Variants in MAGI1 observed in about 807,000 individuals in gnomAD.
MAGI1 encodes the protein membrane-associated guanylate kinase, WW and PDZ domain-containing protein 1.
MAGI1 carries 58 observed loss-of-function variants against 139.9 expected under a neutral mutation model. The ratio of observed to expected loss-of-function variants is 0.41; its 90% confidence interval spans 0.34 to 0.52. The LOEUF (loss-of-function observed/expected upper bound fraction) is 0.52, where lower values mean the gene tolerates loss of function less well. Among genes scored for constraint, MAGI1 ranks in the 20% least tolerant of loss-of-function variants. The pLI is 0.12. For synonymous variants in MAGI1, 812 were observed against 737.9 expected (o/e 1.10, Z -1.63); for missense variants, 1,874 against 1,901.6 (o/e 0.99, Z 0.27).
chr3:65,367,156 A>G, intron 18 of MAGI1, among the ~76,000 whole-genome samples: 1 of 152,234 alleles, frequency 6.6e-6, no homozygotes. Flanking sequence ...GGGAAATCAC[A>G]ATCAGGATAC....
chr3:65,512,483 G>C (rs1478877836), intron 2 of MAGI1, among the ~76,000 whole-genome samples: 1 of 148,930 alleles, frequency 6.7e-6, no homozygotes, highest in Non-Finnish European at 1.5e-5. Flanking sequence ...TATCACCACC[G>C]ATCCCACAGA....
chr3:65,955,617 A>C (rs1318463124), intron 1 of MAGI1, among the ~76,000 whole-genome samples: 3 of 152,172 alleles, frequency 2.0e-5, no homozygotes, highest in Admixed American at 2.0e-4. Flanking sequence ...AAAACCATAT[A>C]ACATTTTTGC....
intron 1 of MAGI1, among the ~76,000 whole-genome samples, chr3:65,664,969 C>G (rs906721570): frequency 2.0e-5 from 3 of 152,230 alleles, no homozygotes; most frequent in Admixed American, 1.3e-4. Context: ...AACAACTGCC[C>G]TAAACCATTA....
In MAGI1 at chr3:65,416,972, G is replaced by T. The variant is rs374422728; in HGVS notation, c.2167+12548C>A. 2.4e-4 allele frequency among the ~76,000 whole-genome samples: 36 copies of T among 152,258 alleles called. No individual in the cohort carries two copies. In the East Asian group the frequency reaches 6.4e-3, roughly 27 times the overall value. Reference sequence around the variant, plus strand: ...CCATGGCAAATACTTCCCTCCAGATGGTGGTAAAGAACGTGTGATTTCATT... The same window carrying T: ...CCATGGCAAATACTTCCCTCCAGATTGTGGTAAAGAACGTGTGATTTCATT... On this transcript the variant is annotated intron_variant, in intron 12 of 22. Transcript: ENST00000402939.
At chr3:65,488,066 G>A (rs1048531231) in intron 3 of MAGI1, among the ~76,000 whole-genome samples, 2 of 152,184 alleles carry the variant, frequency 1.3e-5, no homozygotes, top group Non-Finnish European at 2.9e-5. Context: ...GTGGTTCTAA[G>A]GGAAACAGGG....
intron 2 of MAGI1, among the ~76,000 whole-genome samples, chr3:65,616,942 A>T (rs2083406955): frequency 2.0e-5 from 3 of 152,248 alleles, no homozygotes. Flanking sequence ...CATCCTGGAA[A>T]CAACTATGTT....
intron 1 of MAGI1, among the ~76,000 whole-genome samples, chr3:65,665,425 T>C (rs564198963): frequency 1.3e-5 from 2 of 152,242 alleles, no homozygotes; most frequent in South Asian, 2.1e-4. Flanking sequence ...TGAAAAAACA[T>C]AGTGAACAGC....
intron 2 of MAGI1, among the ~76,000 whole-genome samples, chr3:65,503,776 G>A (rs369270548): frequency 2.6e-5 from 4 of 152,194 alleles, no homozygotes; most frequent in African/African-American, 9.6e-5. Context: ...GAGATGGGAA[G>A]CATCTGATCT....
At chr3:65,778,715 A>G (rs1010924093) in intron 1 of MAGI1, among the ~76,000 whole-genome samples, 14 of 152,196 alleles carry the variant, frequency 9.2e-5, no homozygotes, top group Admixed American at 6.5e-4. Flanking sequence ...CCAACTTCTT[A>G]ATATTTGCCA....
intron 12 of MAGI1, among the ~76,000 whole-genome samples, chr3:65,413,912 T>A (rs954752510): frequency 2.0e-5 from 3 of 152,206 alleles, no homozygotes; most frequent in African/African-American, 7.2e-5. Context: ...GGGAACAAGA[T>A]GTGTAACAAA....
intron 1 of MAGI1, among the ~76,000 whole-genome samples, chr3:65,830,918 G>A (rs2042488906): frequency 6.6e-6 from 1 of 152,034 alleles, no homozygotes; most frequent in African/African-American, 2.4e-5. Flanking sequence ...GGTGACATTG[G>A]GTGGTTTTAG....
At chr3:65,451,995 T>C (rs560566739) in intron 6 of MAGI1, among the ~76,000 whole-genome samples, 1 of 152,250 alleles carries the variant, frequency 6.6e-6, no homozygotes, top group South Asian at 2.1e-4. Flanking sequence ...CAGGGATACT[T>C]AACCAGTATT....
At chr3:65,494,486 C>T (rs1306919864) in intron 2 of MAGI1, among the ~76,000 whole-genome samples, 1 of 152,050 alleles carries the variant, frequency 6.6e-6, no homozygotes, top group Non-Finnish European at 1.5e-5. Flanking sequence ...GGAAAATAAA[C>T]CAAACAGCAA....
At chr3:65,545,301 C>CAA (rs972144005) in intron 2 of MAGI1, among the ~76,000 whole-genome samples, 1 of 151,800 alleles carries the variant, frequency 6.6e-6, no homozygotes, top group Non-Finnish European at 1.5e-5. Context: ...ATGGTTCAGC[C>CAA]AAAGAGAGAG....
At chr3:65,807,668 G>T (rs149876937) in intron 1 of MAGI1, among the ~76,000 whole-genome samples, 2 of 152,174 alleles carry the variant, frequency 1.3e-5, no homozygotes, top group African/African-American at 4.8e-5. Flanking sequence ...CCAAACAGAA[G>T]TAAATGGAGA....
intron 2 of MAGI1, among the ~76,000 whole-genome samples, chr3:65,514,523 G>A (rs919464441): frequency 6.7e-6 from 1 of 150,278 alleles, no homozygotes; most frequent in Non-Finnish European, 1.5e-5. Context: ...CTTCTCAAAA[G>A]AAGACATTTA....
At chr3:65,565,571 T>C (rs2080577467) in intron 2 of MAGI1, among the ~76,000 whole-genome samples, 1 of 152,194 alleles carries the variant, frequency 6.6e-6, no homozygotes, top group South Asian at 2.1e-4. Context: ...GAAACATTGC[T>C]TATGGTCGGG....
intron 2 of MAGI1, among the ~76,000 whole-genome samples, chr3:65,601,477 T>A (rs1399402448): frequency 6.6e-6 from 1 of 152,088 alleles, no homozygotes; most frequent in Non-Finnish European, 1.5e-5. Context: ...GAGACAGAAA[T>A]TAATTATGCT....
chr3:65,617,602 T>C (rs1479494994), intron 2 of MAGI1, among the ~76,000 whole-genome samples: 1 of 152,092 alleles, frequency 6.6e-6, no homozygotes, highest in Non-Finnish European at 1.5e-5. Flanking sequence ...ATGGGAGCTT[T>C]GACATTTTTC....
Sources: gnomAD v4.1 joint callset for allele counts (sites outside exome capture counted in the v4.1 genomes callset) on GRCh38, gnomAD v4.1.1 for gene constraint, MANE v1.5 for transcripts, NCBI Gene and HGNC (gene_info 2026-07-23, HGNC 2026-07-21) for gene names.